The following WDR7 variants were observed in gnomAD, a reference collection of about 807,000 sequenced individuals.
The protein encoded by WDR7 is WD repeat domain 7.
In WDR7, 46 loss-of-function variants were observed where a neutral mutation model predicts 169.4. The observed-to-expected ratio is 0.27, with a 90% confidence interval of 0.21 to 0.35. The LOEUF (loss-of-function observed/expected upper bound fraction) is 0.35, where lower values mean the gene tolerates loss of function less well. WDR7 is among the 10% of genes least tolerant of loss of function. The probability of loss-of-function intolerance (pLI) is 1.00; values close to 1 mark genes in which losing one functional copy is unlikely to be tolerated. For missense variants in WDR7, 1,534 were observed against 1,859.3 expected (o/e 0.83, Z 3.22); for synonymous variants, 612 against 666.8 (o/e 0.92, Z 1.27).
chr18:56,676,420 G>T (rs920463584), intron 2 of WDR7, among the ~76,000 whole-genome samples: 4 of 152,034 alleles, frequency 2.6e-5, no homozygotes, highest in African/African-American at 4.8e-5. Context: ...ACTTATTTCT[G>T]CTATTTTGTT....
At chr18:56,700,812 G>T (rs915203014) in intron 12 of WDR7, among the ~76,000 whole-genome samples, 3 of 149,024 alleles carry the variant, frequency 2.0e-5, no homozygotes, top group Non-Finnish European at 4.5e-5. Flanking sequence ...CTCGTGATCC[G>T]CCCGCCTCGG....
chr18:56,905,659 G>C (rs2046466056), intron 21 of WDR7, among the ~76,000 whole-genome samples: 1 of 150,494 alleles, frequency 6.6e-6, no homozygotes, highest in Non-Finnish European at 1.5e-5. Context: ...AAATTATACA[G>C]GTGCTAAAAG....
At chr18:56,986,967 G>T (rs10469129) in intron 26 of WDR7, among the ~76,000 whole-genome samples, 31,001 of 151,896 alleles carry the variant, frequency 0.2, 3,733 homozygotes, top group Middle Eastern at 0.34. Flanking sequence ...AAACCACAGG[G>T]TGTGTTTTAC....
intron 25 of WDR7, among the ~76,000 whole-genome samples, chr18:56,941,170 G>A (rs1009638202): frequency 6.6e-6 from 1 of 152,166 alleles, no homozygotes; most frequent in South Asian, 2.1e-4. Context: ...TATACAGACA[G>A]ATGATTCCAG....
At chr18:56,696,609 G>A in intron 12 of WDR7, 147 bp downstream of exon 12, 1 of 729,968 alleles carries the variant, frequency 1.4e-6, no homozygotes. Context: ...TAAAATAATA[G>A]TAACATTTAG....
At chr18:56,678,236 G>C (rs572758336) in intron 2 of WDR7, among the ~76,000 whole-genome samples, 130 of 152,276 alleles carry the variant, frequency 8.5e-4, no homozygotes, top group Non-Finnish European at 1.6e-3. Flanking sequence ...TTATCTGTCT[G>C]AACAGTCACG....
rs751475680 is a variant in WDR7 at position 56,923,999 on chromosome 18, A to G, written c.3604A>G (p.Ile1202Val). ...PPHSTIRRTAIDLIGRGFTVW... is the reference protein window; with the variant it reads ...PPHSTIRRTAVDLIGRGFTVW... ...ACACAGCACTATCCGAAGAACAGCCATTGATCTGATTGGACGTGGGTTCAC... is the reference window on the plus strand; with the variant it reads ...ACACAGCACTATCCGAAGAACAGCCGTTGATCTGATTGGACGTGGGTTCAC... The change falls in exon 22 of 28, where the codon ATT becomes GTT. Residue 1202 changes from isoleucine to valine, a missense_variant. Ile to Val is a conservative substitution (Grantham distance 29). Coordinates refer to ENST00000254442, the MANE Select transcript of WDR7 (RefSeq NM_015285.3). 1 of 1,612,308 alleles carries G rather than the reference A, an allele frequency of 6.2e-7. No individual in the cohort carries two copies. The highest frequency in any genetic ancestry group is 1.3e-5 in the African/African-American group (1 of 74,818).
chr18:56,718,904 G>A (rs2144744504), intron 13 of WDR7, among the ~76,000 whole-genome samples: 1 of 152,044 alleles, frequency 6.6e-6, no homozygotes, highest in Middle Eastern at 3.4e-3. Flanking sequence ...AGCATTTTTT[G>A]AAATCAGACT....
At chr18:57,008,385 A>G (rs1311775346) in intron 26 of WDR7, among the ~76,000 whole-genome samples, 2 of 152,170 alleles carry the variant, frequency 1.3e-5, no homozygotes, top group Non-Finnish European at 2.9e-5. Flanking sequence ...TCTATTGACT[A>G]TGAATTAAGT....
chr18:57,032,559 C>T (rs1416100285), downstream of WDR7: 2 of 152,128 alleles, frequency 1.3e-5, no homozygotes, highest in African/African-American at 4.8e-5. Flanking sequence ...GTCCCCATCA[C>T]TTGCATTACT....
chr18:56,816,790 T>C (rs1196686866), intron 20 of WDR7, among the ~76,000 whole-genome samples: 2 of 152,214 alleles, frequency 1.3e-5, no homozygotes, highest in Non-Finnish European at 2.9e-5. Context: ...GCACAGAGGT[T>C]AAAAATAACC....
intron 21 of WDR7, among the ~76,000 whole-genome samples, chr18:56,900,376 G>C (rs781681723): frequency 6.6e-6 from 1 of 151,978 alleles, no homozygotes; most frequent in Non-Finnish European, 1.5e-5. Flanking sequence ...ATTCTTGAAG[G>C]GAGATGGAGA....
chr18:56,919,934 T>C (rs991351679), intron 21 of WDR7, among the ~76,000 whole-genome samples: 5 of 152,154 alleles, frequency 3.3e-5, no homozygotes, highest in Non-Finnish European at 5.9e-5. Context: ...TTTGTAATGG[T>C]TTTTTATTAT....
intron 14 of WDR7, among the ~76,000 whole-genome samples, chr18:56,735,484 T>C (rs1036255960): frequency 3.3e-5 from 5 of 152,146 alleles, no homozygotes; most frequent in African/African-American, 4.8e-5. Context: ...ATGGAGATGG[T>C]ATTATTTTTT....
chr18:56,941,714 G>T (rs964763217), intron 25 of WDR7, among the ~76,000 whole-genome samples: 45 of 152,212 alleles, frequency 3.0e-4, no homozygotes, highest in African/African-American at 1.1e-3. Flanking sequence ...ATAATTCTCA[G>T]CTGGGGTCAC....
intron 21 of WDR7, among the ~76,000 whole-genome samples, chr18:56,887,616 A>G (rs560441503): frequency 5.3e-5 from 8 of 152,274 alleles, no homozygotes; most frequent in African/African-American, 1.9e-4. Flanking sequence ...TGCTATAAAA[A>G]TATTTTAAAG....
intron 7 of WDR7, among the ~76,000 whole-genome samples, chr18:56,687,231 T>C (rs1038650076): frequency 6.6e-6 from 1 of 152,222 alleles, no homozygotes; most frequent in Non-Finnish European, 1.5e-5. Context: ...GCTACTGTTT[T>C]AGTCACTGTC....
chr18:56,983,780 G>T (rs996577093), intron 26 of WDR7, among the ~76,000 whole-genome samples: 2 of 152,044 alleles, frequency 1.3e-5, no homozygotes, highest in Non-Finnish European at 2.9e-5. Context: ...GTAAATAATT[G>T]TCAGTGAAAA....
chr18:56,664,357 G>A (rs181002798), intron 1 of WDR7, among the ~76,000 whole-genome samples: 139 of 152,284 alleles, frequency 9.1e-4, no homozygotes, highest in Non-Finnish European at 1.5e-3. Flanking sequence ...ATGAGAGGGA[G>A]AGAGATTGTT....
Sources: gnomAD v4.1 joint callset for allele counts (sites outside exome capture counted in the v4.1 genomes callset) on GRCh38, gnomAD v4.1.1 for gene constraint, MANE v1.5 for transcripts, NCBI Gene and HGNC (gene_info 2026-07-23, HGNC 2026-07-21) for gene names.